The following ADAMTS17 variants were observed in gnomAD, a reference collection of about 807,000 sequenced individuals.
ADAMTS17 encodes A disintegrin and metalloproteinase with thrombospondin motifs 17.
In ADAMTS17, 113 loss-of-function variants were observed where a neutral mutation model predicts 141.5. The ratio of observed to expected loss-of-function variants is 0.80; its 90% CI spans 0.69 to 0.93. ADAMTS17 has a LOEUF of 0.93. ADAMTS17 is among the 40% of genes least tolerant of loss of function. The pLI is 0.00. For synonymous variants in ADAMTS17, 768 were observed against 630.6 expected (o/e 1.22, Z -3.27); for missense variants, 1,659 against 1,517.9 (o/e 1.09, Z -1.54).
At chr15:100,117,112 C>T (rs1261395214) in intron 12 of ADAMTS17, 99 bp from the exon 13 acceptor site, 26 of 1,442,662 alleles carry the variant, frequency 1.8e-5, no homozygotes, top group Middle Eastern at 2.4e-4. Flanking sequence ...AGGAAGGGGG[C>T]AGGGCAAGGT....
At chr15:100,332,866 G>A (rs1429268790) in intron 2 of ADAMTS17, among the ~76,000 whole-genome samples, 3 of 152,184 alleles carry the variant, frequency 2.0e-5, no homozygotes, top group African/African-American at 4.8e-5. Context: ...CTTGGGCCCC[G>A]ACCTCGAACA....
At chr15:99,994,840 A>C (rs2060766933) in intron 19 of ADAMTS17, among the ~76,000 whole-genome samples, 1 of 152,254 alleles carries the variant, frequency 6.6e-6, no homozygotes, top group African/African-American at 2.4e-5. Flanking sequence ...CTGGGATTAC[A>C]GGTGCGAGCC....
intron 7 of ADAMTS17, among the ~76,000 whole-genome samples, chr15:100,221,500 C>T (rs1303809287): frequency 1.3e-5 from 2 of 152,120 alleles, no homozygotes; most frequent in African/African-American, 4.8e-5. Context: ...GCTATAATAC[C>T]TATTGTTCTT....
chr15:99,983,420 C>T (rs2060521089), intron 20 of ADAMTS17, among the ~76,000 whole-genome samples: 1 of 152,050 alleles, frequency 6.6e-6, no homozygotes, highest in Non-Finnish European at 1.5e-5. Context: ...GTACCACCCC[C>T]AACAGGGGAG....
At chr15:100,270,320 G>A (rs1035773396) in intron 4 of ADAMTS17, among the ~76,000 whole-genome samples, 6 of 151,940 alleles carry the variant, frequency 3.9e-5, no homozygotes, top group East Asian at 3.9e-4. Context: ...TACCACCCTC[G>A]GTAAAAGACA....
At chr15:99,975,242 C>T (rs535643856) in intron 21 of ADAMTS17, among the ~76,000 whole-genome samples, 2 of 152,334 alleles carry the variant, frequency 1.3e-5, no homozygotes, top group East Asian at 3.9e-4. Context: ...TGGAGTCTTA[C>T]TCTGTTGCCC....
At chr15:100,042,014 A>G (rs544946075) in intron 18 of ADAMTS17, among the ~76,000 whole-genome samples, 1 of 152,302 alleles carries the variant, frequency 6.6e-6, no homozygotes, top group East Asian at 1.9e-4. Flanking sequence ...TAAAGTTCAC[A>G]CCATGGGATT....
At chr15:99,995,300 C>A (rs933810546) in intron 19 of ADAMTS17, among the ~76,000 whole-genome samples, 2 of 152,256 alleles carry the variant, frequency 1.3e-5, no homozygotes, top group Non-Finnish European at 2.9e-5. Context: ...CCATTTCTGC[C>A]TAAGTTCACT....
intron 16 of ADAMTS17, among the ~76,000 whole-genome samples, chr15:100,052,125 G>A (rs1360295558): frequency 6.6e-6 from 1 of 152,260 alleles, no homozygotes; most frequent in African/African-American, 2.4e-5. Flanking sequence ...GAAAGACACA[G>A]ATAAACTTTT....
intron 10 of ADAMTS17, among the ~76,000 whole-genome samples, chr15:100,135,440 C>T (rs2038280485): frequency 6.6e-6 from 1 of 152,040 alleles, no homozygotes; most frequent in Non-Finnish European, 1.5e-5. Flanking sequence ...CCCGCCACCA[C>T]ACCCGGCTAA....
At chr15:100,132,222 C>T in intron 11 of ADAMTS17, 70 bp from the exon 12 acceptor site, 1 of 1,567,382 alleles carries the variant, frequency 6.4e-7, no homozygotes, top group Non-Finnish European at 8.7e-7. Flanking sequence ...CGCCAGGCCC[C>T]AAAATGCCGT....
chr15:100,046,146 G>T (rs571950208), intron 18 of ADAMTS17, among the ~76,000 whole-genome samples: 1 of 152,316 alleles, frequency 6.6e-6, no homozygotes, highest in East Asian at 1.9e-4. Flanking sequence ...CTCCCAAAGT[G>T]CTGGGATTAC....
intron 7 of ADAMTS17, among the ~76,000 whole-genome samples, chr15:100,248,237 A>G (rs1341874649): frequency 1.3e-5 from 2 of 152,170 alleles, no homozygotes; most frequent in African/African-American, 4.8e-5. Flanking sequence ...TAGGAGACCA[A>G]GCAAAGGGCA....
intron 8 of ADAMTS17, among the ~76,000 whole-genome samples, chr15:100,164,034 C>T (rs1567288116): frequency 6.6e-6 from 1 of 152,166 alleles, no homozygotes; most frequent in African/African-American, 2.4e-5. Flanking sequence ...TCCTAGCTGG[C>T]CTTCTTTCTC....
intron 20 of ADAMTS17, among the ~76,000 whole-genome samples, chr15:99,977,903 A>G (rs2060398977): frequency 6.6e-6 from 1 of 152,162 alleles, no homozygotes; most frequent in Non-Finnish European, 1.5e-5. Flanking sequence ...TTTGGTGTCC[A>G]CCAGAGCCCA....
chr15:100,075,896 T>A (rs942499629), intron 15 of ADAMTS17, among the ~76,000 whole-genome samples: 1 of 152,190 alleles, frequency 6.6e-6, no homozygotes, highest in Non-Finnish European at 1.5e-5. Context: ...TGCTTCCACG[T>A]AGACCTGGTT....
rs765804751 is a variant in ADAMTS17, at chr15:100,096,258, G to A, written c.2137+98C>T. ...CAGGTCACCTATCCACTACCATCTA[G>A]CCCTTAAATATGAAATGTAGGGAAG... is the stretch of plus-strand genomic sequence containing the variant. On this transcript the variant is annotated intron_variant, in intron 15 of 21. Transcript: ENST00000268070. 3.1e-5 allele frequency: 49 copies of A among 1,582,840 alleles called. No individual in the cohort carries two copies. Among genetic ancestry groups the A allele is most frequent in the East Asian group, 4.5e-5 (2 of 44,646 alleles).
intron 8 of ADAMTS17, among the ~76,000 whole-genome samples, chr15:100,192,177 G>A (rs543872156): frequency 3.9e-4 from 60 of 152,348 alleles, no homozygotes; most frequent in African/African-American, 1.4e-3. Flanking sequence ...CAGAGGAAAC[G>A]TATTCAGGAA....
At position 100,278,386 on chromosome 15, in the gene ADAMTS17, G is replaced by A. The variant is rs557581743; in HGVS notation, c.789+2843C>T. On this transcript the variant is annotated intron_variant, in intron 4 of 21. Transcript: ENST00000268070. ...GCAAAAAAATAATGTTTAAGTTAACGGAACTTCCAGAGTTGATGACTTTGA... is the reference window on the plus strand; with the variant it reads ...GCAAAAAAATAATGTTTAAGTTAACAGAACTTCCAGAGTTGATGACTTTGA... Among the ~76,000 whole-genome samples the A allele has an allele frequency of 1.5e-3, 223 of 151,920 alleles. 1 individual carries two copies. The highest frequency in any genetic ancestry group is 5.2e-3 in the African/African-American group (214 of 41,450).
Sources: allele counts gnomAD v4.1 joint callset (sites outside exome capture counted in the v4.1 genomes callset), GRCh38; gene constraint gnomAD v4.1.1; transcripts MANE v1.5; gene names NCBI Gene and HGNC (gene_info 2026-07-23, HGNC 2026-07-21).